Variants in PTPRN2 observed in about 807,000 individuals in gnomAD.
The protein encoded by PTPRN2 is protein tyrosine phosphatase receptor type N2, also known as receptor-type tyrosine-protein phosphatase N2.
Under a neutral mutation model 118.8 loss-of-function variants are expected in PTPRN2, and 74 were observed. The observed-to-expected ratio is 0.62, with a 90% CI of 0.52 to 0.76. PTPRN2 has a LOEUF of 0.76. Ranked by LOEUF, PTPRN2 falls within the 30% of genes least tolerant of loss-of-function variation. The pLI, the probability that PTPRN2 is intolerant of heterozygous loss-of-function variation, is 0.00. For missense variants in PTPRN2, 1,481 were observed against 1,394.4 expected (o/e 1.06, Z -0.99); for synonymous variants, 641 against 608.0 (o/e 1.05, Z -0.80).
chr7:158,532,501 G>T (rs997635753), intron 1 of PTPRN2, among the ~76,000 whole-genome samples: 1 of 152,036 alleles, frequency 6.6e-6, no homozygotes, highest in Non-Finnish European at 1.5e-5. Context: ...AACCCCCACC[G>T]ATGCCTCCAC....
chr7:158,392,378 C>A (rs1444692453), intron 2 of PTPRN2, among the ~76,000 whole-genome samples: 1 of 152,198 alleles, frequency 6.6e-6, no homozygotes, highest in Admixed American at 6.5e-5. Flanking sequence ...CACAGGGCAA[C>A]CCCAAGTGTT....
intron 2 of PTPRN2, among the ~76,000 whole-genome samples, chr7:158,334,062 G>C (rs868238253): frequency 1.5e-5 from 1 of 66,382 alleles, no homozygotes; most frequent in Admixed American, 1.7e-4. Flanking sequence ...GACGCCCGCA[G>C]ACGTCACTCA....
rs575915240 is a variant in PTPRN2, at chr7:158,443,530, G to A, written c.163+46205C>T. 2.0e-5 allele frequency among the ~76,000 whole-genome samples: 3 copies of A among 152,284 alleles called. No homozygotes were observed. In the South Asian group the frequency reaches 6.2e-4, roughly 32 times the overall value. On this transcript the variant is annotated intron_variant, in intron 2 of 22. Coordinates refer to ENST00000389418, the MANE Select transcript of PTPRN2 (RefSeq NM_002847.5). The stretch of plus-strand genomic sequence containing the variant: ...GAATCCTGGGCTGCCCTGGCTACCA[G>A]GATGCCTCAGGGAGGGGAGGAAGCA...
intron 10 of PTPRN2, among the ~76,000 whole-genome samples, chr7:158,089,883 G>A (rs190884998): frequency 0.1 from 4,148 of 40,932 alleles, 1,154 homozygotes; most frequent in Non-Finnish European, 0.22. Flanking sequence ...CTCCCCTGAC[G>A]AAAGAGGGAG....
rs572045491 is a variant in PTPRN2 at position 157,578,334 on chromosome 7, G to A, written c.2497-194C>T. ...CTGGCCCATAGTTTGCATGTTCCACGAAATATTAAAAAACCCCGCAAATTT... is the reference window on the plus strand; with the variant it reads ...CTGGCCCATAGTTTGCATGTTCCACAAAATATTAAAAAACCCCGCAAATTT... On this transcript the variant is annotated intron_variant, in intron 17 of 22. Coordinates refer to ENST00000389418, the MANE Select transcript of PTPRN2 (RefSeq NM_002847.5). Among the ~76,000 whole-genome samples, 3 of 152,264 alleles carry A rather than the reference G, an allele frequency of 2.0e-5. No homozygotes were observed. In the East Asian group the frequency reaches 5.8e-4, roughly 29 times the overall value.
In PTPRN2 at chr7:157,944,181, G is replaced by A. The variant is rs75653779; in HGVS notation, c.1724-45444C>T. 0.014 allele frequency among the ~76,000 whole-genome samples: 2,196 copies of A among 152,276 alleles called. 52 individuals are homozygous for A. The highest frequency in any genetic ancestry group is 0.05 in the African/African-American group (2,096 of 41,534). On this transcript the variant is annotated intron_variant, in intron 11 of 22. Transcript: ENST00000389418. The surrounding 1 kb of genome is among the most constrained non-coding windows in gnomAD (Gnocchi z 4.3). ...AAACACCTTCACAGGGAAGGAAGGC[G>A]GAACTCTCTTTCCTTGCCACAGAAA... is the stretch of plus-strand genomic sequence containing the variant.
Position 158,166,297 on chromosome 7 carries a change from C to T in PTPRN2, c.910+634G>A, listed in dbSNP as rs1308158702. Among the ~76,000 whole-genome samples, 2 of 26,270 alleles carry T rather than the reference C, an allele frequency of 7.6e-5. 1 individual carries two copies. The highest frequency in any genetic ancestry group is 1.3e-4 in the Non-Finnish European group (2 of 15,856). The allele number at this position is 26,270 out of a possible 152,430, so 17.2% of individuals were successfully genotyped here. ...CCTGTCCTCACACCCTCAGGATCAT[C>T]TCCTCCTCCCCCCCGGCCGCCGCGT... On this transcript the variant is annotated intron_variant, in intron 6 of 22. Transcript: ENST00000389418.
At chr7:157,573,310 T>C (rs1585048896) in intron 19 of PTPRN2, among the ~76,000 whole-genome samples, 2 of 152,368 alleles carry the variant, frequency 1.3e-5, no homozygotes, top group Middle Eastern at 6.8e-3. Flanking sequence ...TGGCTTTGCT[T>C]TGAAAGGCCT....
intron 19 of PTPRN2, 139 bp downstream of exon 19, chr7:157,576,473 CG>C (rs905089367): frequency 1.5e-5 from 13 of 878,146 alleles, no homozygotes; most frequent in Non-Finnish European, 2.0e-5. Context: ...TCCCGCCTCT[CG>C]CTTCCCTTCC....
intron 11 of PTPRN2, among the ~76,000 whole-genome samples, chr7:158,077,086 G>A (rs1168568405): frequency 2.0e-5 from 3 of 152,188 alleles, no homozygotes; most frequent in Non-Finnish European, 4.4e-5. Context: ...CAGAAGCCTG[G>A]GCAGCCCTTG....
At chr7:157,558,957 A>C (rs1175976662) in intron 21 of PTPRN2, among the ~76,000 whole-genome samples, 1 of 152,234 alleles carries the variant, frequency 6.6e-6, no homozygotes, top group Non-Finnish European at 1.5e-5. Flanking sequence ...ACTTTGCATC[A>C]TTTGACCTCG....
Position 158,093,089 on chromosome 7 carries a change from G to A in PTPRN2, c.1644-11712C>T, listed in dbSNP as rs1814330151. ...TGGCTGAGAGCCTTCTGCGAGGCAC[G>A]AGTATAAGTGTGAGACCCACACGCA... On this transcript the variant is annotated intron_variant, in intron 10 of 22. Transcript: ENST00000389418. The surrounding 1 kb of genome is among the most constrained non-coding windows in gnomAD (Gnocchi z 4.4). Among the ~76,000 whole-genome samples, 1 of 152,146 alleles carries A rather than the reference G, an allele frequency of 6.6e-6. No individual in the cohort carries two copies. Among genetic ancestry groups the A allele is most frequent in the Non-Finnish European group, 1.5e-5 (1 of 68,028 alleles).
chr7:158,317,465 T>C (rs558305211), intron 2 of PTPRN2, among the ~76,000 whole-genome samples: 1 of 152,346 alleles, frequency 6.6e-6, no homozygotes, highest in East Asian at 1.9e-4. Flanking sequence ...GCGAACGGTG[T>C]GGGACTAATG....
intron 2 of PTPRN2, among the ~76,000 whole-genome samples, chr7:158,396,910 G>T (rs558635820): frequency 2.6e-5 from 4 of 152,308 alleles, no homozygotes; most frequent in Non-Finnish European, 5.9e-5. Flanking sequence ...CCAAGACAAG[G>T]AAAAAGTACA....
intron 11 of PTPRN2, among the ~76,000 whole-genome samples, chr7:158,054,457 C>T (rs11766232): frequency 0.11 from 16,713 of 152,268 alleles, 1,033 homozygotes; most frequent in Non-Finnish European, 0.14. Flanking sequence ...AGGAAAAACA[C>T]ACATTTACCG....
chr7:158,258,145 A>C (rs2150915467), intron 3 of PTPRN2, among the ~76,000 whole-genome samples: 1 of 152,340 alleles, frequency 6.6e-6, no homozygotes, highest in African/African-American at 2.4e-5. Flanking sequence ...AGCTCACAGC[A>C]TGGCTGCCCC....
intron 22 of PTPRN2, 30 bp downstream of exon 22, chr7:157,548,916 T>A: frequency 1.2e-6 from 2 of 1,605,554 alleles, no homozygotes; most frequent in Middle Eastern, 1.7e-4. Context: ...CTTGAATGGG[T>A]CTGCGTCCCG....
Position 158,337,701 on chromosome 7 carries a change from A to G in PTPRN2, c.164-20769T>C, listed in dbSNP as rs1188107394. Among the ~76,000 whole-genome samples, 4 of 150,850 alleles carry G rather than the reference A, an allele frequency of 2.7e-5. 1 individual carries two copies. The highest frequency in any genetic ancestry group is 2.7e-4 in the Admixed American group (4 of 15,092). On this transcript the variant is annotated intron_variant, in intron 2 of 22. Transcript: ENST00000389418. The stretch of plus-strand genomic sequence containing the variant: ...AGACGTCACTCACACCCACACTCTC[A>G]CCATAAGAGCTGACGCCCGCAGACG...
At chr7:158,445,921 G>A (rs1313680812) in intron 2 of PTPRN2, among the ~76,000 whole-genome samples, 2 of 152,188 alleles carry the variant, frequency 1.3e-5, no homozygotes, top group African/African-American at 2.4e-5. Flanking sequence ...GGTAAACCCC[G>A]GCGCCCAGGT....
Sources: gnomAD v4.1 joint callset for allele counts (sites outside exome capture counted in the v4.1 genomes callset) on GRCh38, gnomAD v4.1.1 for gene constraint, Gnocchi (gnomAD v3.1) non-coding constraint, MANE v1.5 for transcripts, NCBI Gene and HGNC (gene_info 2026-07-23, HGNC 2026-07-21) for gene names.